TFB2M: variants seen among roughly 807,000 people sequenced by gnomAD.
TFB2M encodes dimethyladenosine transferase 2, mitochondrial.
In TFB2M, 44 loss-of-function variants were observed where a neutral mutation model predicts 41.3. The ratio of observed to expected loss-of-function variants is 1.07; its 90% CI spans 0.84 to 1.37. TFB2M has a LOEUF of 1.37. Among genes scored for constraint, TFB2M ranks in the 40% most tolerant of loss-of-function variants. The pLI, the probability that TFB2M is intolerant of heterozygous loss-of-function variation, is 0.00. For missense variants in TFB2M, 496 were observed against 490.2 expected, an observed-to-expected ratio of 1.01 and a Z score of -0.11; for synonymous variants, 188 against 176.8, an observed-to-expected ratio of 1.06 and a Z score of -0.50.
chr1:246,554,640 TATAATTATTTCATTATATATTACAATGTA>T (rs1231532243), intron 4 of TFB2M, among the ~76,000 whole-genome samples: 1 of 152,178 alleles, frequency 6.6e-6, no homozygotes, highest in Admixed American at 6.5e-5. Context: ...TGGTGAGTTG[TATAATTATTTCATTATATATTACAATGTA>T]ATAATAATAG....
chr1:246,547,197 T>C (rs1465427736), intron 6 of TFB2M, among the ~76,000 whole-genome samples: 1 of 152,188 alleles, frequency 6.6e-6, no homozygotes, highest in Non-Finnish European at 1.5e-5. Context: ...TTGGCCAGGC[T>C]GGTCTCAGAC....
chr1:246,544,642 G>T lies in TFB2M; in HGVS notation c.898C>A (p.Gln300Lys). 1 of 1,606,396 alleles carries T rather than the reference G, an allele frequency of 6.2e-7. No individual in the cohort carries two copies. The highest frequency in any genetic ancestry group is 1.1e-5 in the South Asian group (1 of 88,730). ...AATAAATTTTGACGAGGAATCATTTGAATAAGATACAGCTTTTGTTGTAAT... is the reference window on the plus strand; with the variant it reads ...AATAAATTTTGACGAGGAATCATTTTAATAAGATACAGCTTTTGTTGTAAT... ...DQLQQKLYLI[Q>K]MIPRQNLFTK... Residue 300 changes from glutamine (Q) to lysine (K), a missense_variant, in exon 7 of 8, where the codon CAA (glutamine) becomes AAA (lysine). Physicochemically the swap from Gln to Lys is moderately conservative, Grantham distance 53. Coordinates refer to ENST00000366514, the MANE Select transcript of TFB2M (RefSeq NM_022366.3).
In TFB2M at chr1:246,565,905, C is replaced by T. The variant is rs1422030055; in HGVS notation, c.234G>A (p.Arg78=). The T allele has an allele frequency of 3.1e-6, 5 of 1,613,798 alleles. No individual in the cohort carries two copies. In the East Asian group the frequency reaches 6.7e-5, roughly 22 times the overall value. The change falls in exon 1 of 8, where the codon CGG becomes CGA. Residue 78 remains arginine, a synonymous_variant. Transcript: ENST00000366514. ...SLDFKRYVTD[R]RLAETLAQIY... is the part of the protein sequence containing the mutation. ...TTTGCGCCAGGGTCTCAGCCAATCT[C>T]CGATCGGTTACGTAACGCTTAAAGT... is the stretch of plus-strand genomic sequence containing the variant.
Position 246,540,950 on chromosome 1 carries a change from G to A in TFB2M, c.*81C>T, listed in dbSNP as rs1417845187. On this transcript the variant is annotated 3_prime_UTR_variant, in exon 8 of 8. Coordinates refer to ENST00000366514, the MANE Select transcript of TFB2M (RefSeq NM_022366.3). ...CAAGAACAGTTACCTTCTGCTGAAA[G>A]GATGTGAGTTTTCAAATTTGGTTTT... 1.5e-6 allele frequency: 2 copies of A among 1,378,708 alleles called. No homozygotes were observed. The highest frequency in any genetic ancestry group is 4.6e-5 in the East Asian group (2 of 43,188). The allele number at this position is 1,378,708 out of a possible 1,614,324, so 85.4% of individuals were successfully genotyped here.
intron 4 of TFB2M, among the ~76,000 whole-genome samples, chr1:246,554,878 T>C (rs909528648): frequency 4.6e-5 from 7 of 152,110 alleles, no homozygotes; most frequent in African/African-American, 1.4e-4. Context: ...ATGAAAAACT[T>C]TGGGCATCAA....
At chr1:246,562,809 G>A (rs1333427924) in intron 2 of TFB2M, among the ~76,000 whole-genome samples, 5 of 152,012 alleles carry the variant, frequency 3.3e-5, no homozygotes, top group Admixed American at 6.6e-5. Context: ...ACAGGCATGC[G>A]CCACCACGCC....
intron 2 of TFB2M, among the ~76,000 whole-genome samples, chr1:246,559,672 C>T (rs985875531): frequency 1.3e-5 from 2 of 152,160 alleles, no homozygotes; most frequent in Admixed American, 6.5e-5. Flanking sequence ...ACATTAATTT[C>T]GAGATGCCTA....
At chr1:246,544,828 T>TAGAG in intron 6 of TFB2M, 147 bp from the exon 7 acceptor site, 1 of 669,594 alleles carries the variant, frequency 1.5e-6, no homozygotes. Flanking sequence ...TTCTTGGAGA[T>TAGAG]AGAGTCTCAC....
In TFB2M at chr1:246,566,227, T is replaced by C. The variant is rs1440164019; in HGVS notation, c.-89A>G. ...AGGGTATCCCACGTGGAACATTTTC[T>C]GGCGTCCGGGCCAGGTCAAGCGGAA... On this transcript the variant is annotated 5_prime_UTR_variant, in exon 1 of 8. Transcript: ENST00000366514. The C allele has an allele frequency of 5.1e-6, 7 of 1,383,150 alleles. No homozygotes were observed. The highest frequency in any genetic ancestry group is 4.6e-5 in the Admixed American group (2 of 43,230). The allele number at this position is 1,383,150 out of a possible 1,614,324, so 85.7% of individuals were successfully genotyped here.
chr1:246,558,475 C>T (rs1487851751), intron 2 of TFB2M, among the ~76,000 whole-genome samples: 2 of 152,112 alleles, frequency 1.3e-5, no homozygotes, highest in African/African-American at 4.8e-5. Context: ...ATAATGGCTT[C>T]AGCTATTCAA....
At chr1:246,553,964 AAC>A (rs1331503508) in intron 4 of TFB2M, among the ~76,000 whole-genome samples, 1 of 152,246 alleles carries the variant, frequency 6.6e-6, no homozygotes, top group African/African-American at 2.4e-5. Context: ...TAACAGTAGC[AAC>A]ACAGTGTTGT....
chr1:246,541,126 G>GC lies in TFB2M; in HGVS notation c.1095dup (p.His366AlafsTer10). 1 of 1,614,036 alleles carries GC rather than the reference G, an allele frequency of 6.2e-7. No homozygotes were observed. Among genetic ancestry groups the GC allele is most frequent in the Non-Finnish European group, 8.5e-7 (1 of 1,179,928 alleles). ...AAAAGTGTTTTGAAGTCTTGAGGGTGCATGTTAACTACTTTCTCATCCTCC... is the reference window on the plus strand; with the variant it reads ...AAAAGTGTTTTGAAGTCTTGAGGGTGCCATGTTAACTACTTTCTCATCCTCC... On this transcript the variant is annotated frameshift_variant, in exon 8 of 8. Coordinates refer to ENST00000366514, the MANE Select transcript of TFB2M (RefSeq NM_022366.3). LOFTEE classifies it low-confidence loss of function (END_TRUNC).
intron 4 of TFB2M, among the ~76,000 whole-genome samples, chr1:246,551,856 C>T (rs1010129804): frequency 6.6e-6 from 1 of 152,220 alleles, no homozygotes; most frequent in African/African-American, 2.4e-5. Context: ...TAACACAGCA[C>T]TTCCTATTCT....
intron 1 of TFB2M, 103 bp from the exon 2 acceptor site, chr1:246,564,537 A>T: frequency 9.8e-7 from 1 of 1,025,380 alleles, no homozygotes; most frequent in Non-Finnish European, 1.5e-6. Context: ...CTGGTTTTTA[A>T]ATCTGACAGC....
rs552531866 is a variant in TFB2M, at chr1:246,564,681, CTTTT to C, written c.314-251_314-248del. ...TGTCAGCGACTGCAAAACCTGCACTCTTTTTTTTTTTTTTTTGAGACGAAGTCTC... is the reference window on the plus strand; with the variant it reads ...TGTCAGCGACTGCAAAACCTGCACTCTTTTTTTTTTTTGAGACGAAGTCTC... On this transcript the variant is annotated intron_variant, in intron 1 of 7. Transcript: ENST00000366514. Among the ~76,000 whole-genome samples the C allele has an allele frequency of 2.1e-5, 3 of 141,162 alleles. No homozygotes were observed. In the Admixed American group the frequency reaches 2.1e-4, roughly 10 times the overall value. The allele number at this position is 141,162 out of a possible 152,430, so 92.6% of individuals were successfully genotyped here.
At chr1:246,546,983 A>ATTTT (rs74163461) in intron 6 of TFB2M, among the ~76,000 whole-genome samples, 1 of 127,180 alleles carries the variant, frequency 7.9e-6, no homozygotes, top group Non-Finnish European at 1.7e-5. Flanking sequence ...ACACACACAC[A>ATTTT]TTTTTTTTTT....
chr1:246,563,373 G>A (rs1659508446), intron 2 of TFB2M, among the ~76,000 whole-genome samples: 1 of 152,156 alleles, frequency 6.6e-6, no homozygotes. Flanking sequence ...GGAGGCCAAG[G>A]TGGGTGGATC....
chr1:246,546,983 A>ACACACACACACACACT (rs764498048), intron 6 of TFB2M, among the ~76,000 whole-genome samples: 11 of 127,178 alleles, frequency 8.6e-5, no homozygotes, highest in South Asian at 4.9e-4. Flanking sequence ...ACACACACAC[A>ACACACACACACACACT]TTTTTTTTTT....
In TFB2M at chr1:246,565,832, T is replaced by C. The variant is rs1207477766; in HGVS notation, c.307A>G (p.Asn103Asp). ...SRPPHLLLECNPGPGILTQAL... is the reference protein window; with the variant it reads ...SRPPHLLLECDPGPGILTQAL... ...GCAATTCAGCTGGACTCACCTGGAT[T>C]GCACTCCAGCAGTAGGTGTGGAGGT... The change falls in exon 1 of 8, where the codon AAT becomes GAT. Residue 103 changes from asparagine to aspartate, a missense_variant. Asn to Asp is a conservative substitution (Grantham distance 23, BLOSUM62 1). Coordinates refer to ENST00000366514, the MANE Select transcript of TFB2M (RefSeq NM_022366.3). 2 of 1,598,792 alleles carry C rather than the reference T, an allele frequency of 1.3e-6. No individual in the cohort carries two copies. Among genetic ancestry groups the C allele is most frequent in the Non-Finnish European group, 1.7e-6 (2 of 1,166,958 alleles).
Sources: allele counts gnomAD v4.1 joint callset (sites outside exome capture counted in the v4.1 genomes callset), GRCh38; gene constraint gnomAD v4.1.1; transcripts MANE v1.5; gene names NCBI Gene and HGNC (gene_info 2026-07-23, HGNC 2026-07-21).